The following MCTP2 variants were observed in gnomAD, a reference collection of about 807,000 sequenced individuals.
MCTP2 encodes the protein multiple C2 and transmembrane domain containing 2.
A neutral mutation model predicts 111.6 loss-of-function variants in MCTP2; 132 were observed. The observed-to-expected ratio is 1.18, with a 90% CI of 1.03 to 1.37. The LOEUF (loss-of-function observed/expected upper bound fraction) is 1.37. Among genes scored for constraint, MCTP2 ranks in the 40% most tolerant of loss-of-function variants. The pLI is 0.00. For synonymous variants in MCTP2, 395 were observed against 387.7 expected (o/e 1.02, Z -0.22); for missense variants, 1,183 against 1,067.9 (o/e 1.11, Z -1.50).
intron 12 of MCTP2, among the ~76,000 whole-genome samples, chr15:94,370,725 T>C (rs1384684852): frequency 6.6e-6 from 1 of 152,178 alleles, no homozygotes; most frequent in Non-Finnish European, 1.5e-5. Flanking sequence ...GCAGACATGC[T>C]TTGTGCTGGA....
chr15:94,277,365 C>T lies in MCTP2; in HGVS notation c.-65-20836C>T, dbSNP rs1020692897. ...TTGAAAACTTAGGTCCACACGAAAT[C>T]CTGCACATGGATGTTTCTAGCAGCT... On this transcript the variant is annotated intron_variant, in intron 1 of 22. Transcript: ENST00000357742. Among the ~76,000 whole-genome samples, 16 of 152,142 alleles carry T rather than the reference C, an allele frequency of 1.1e-4. No homozygotes were observed. In the South Asian group the frequency reaches 2.7e-3, roughly 26 times the overall value.
chr15:94,234,639 G>C (rs1405131909), intron 1 of MCTP2, among the ~76,000 whole-genome samples: 1 of 152,202 alleles, frequency 6.6e-6, no homozygotes, highest in Non-Finnish European at 1.5e-5. Flanking sequence ...CATGTCCAAC[G>C]AACAATTCTG....
intron 17 of MCTP2, among the ~76,000 whole-genome samples, chr15:94,439,841 C>A (rs1428132493): frequency 1.3e-5 from 2 of 152,202 alleles, no homozygotes; most frequent in Non-Finnish European, 2.9e-5. Flanking sequence ...AAATAAACCT[C>A]ACTTTTGGCA....
chr15:94,440,516 G>C (rs2083721175), intron 18 of MCTP2, among the ~76,000 whole-genome samples: 1 of 152,164 alleles, frequency 6.6e-6, no homozygotes, highest in South Asian at 2.1e-4. Flanking sequence ...CTGCATGAAG[G>C]GAGCCTCTGG....
chr15:94,426,875 T>C (rs1278831138), intron 17 of MCTP2, among the ~76,000 whole-genome samples: 1 of 152,146 alleles, frequency 6.6e-6, no homozygotes, highest in Non-Finnish European at 1.5e-5. Flanking sequence ...TAAGGATTCA[T>C]CTATTTCTAG....
intron 12 of MCTP2, among the ~76,000 whole-genome samples, chr15:94,370,718 G>C (rs1047602319): frequency 6.6e-6 from 1 of 152,132 alleles, no homozygotes; most frequent in African/African-American, 2.4e-5. Context: ...GGCCAAAGCA[G>C]ACATGCTTTG....
chr15:94,438,742 T>C (rs1248814024), intron 17 of MCTP2, among the ~76,000 whole-genome samples: 1 of 152,180 alleles, frequency 6.6e-6, no homozygotes. Context: ...GAAAGAGTAT[T>C]TATAAAACAT....
intron 11 of MCTP2, among the ~76,000 whole-genome samples, chr15:94,369,004 G>A (rs1202285188): frequency 6.6e-6 from 1 of 152,204 alleles, no homozygotes; most frequent in Non-Finnish European, 1.5e-5. Flanking sequence ...CAAAGCACAA[G>A]TTACAGCCCC....
intron 17 of MCTP2, among the ~76,000 whole-genome samples, chr15:94,421,170 G>A (rs1261486285): frequency 6.7e-6 from 1 of 150,156 alleles, no homozygotes; most frequent in African/African-American, 2.5e-5. Context: ...ATACGCTGTT[G>A]CATACTTAAT....
intron 2 of MCTP2, among the ~76,000 whole-genome samples, chr15:94,311,213 T>A (rs2076121199): frequency 6.6e-6 from 1 of 151,188 alleles, no homozygotes; most frequent in African/African-American, 2.4e-5. Context: ...TTATTAGAGA[T>A]GGGGGGGTTT....
intron 17 of MCTP2, chr15:94,403,301 CTT>C (rs1371741345): frequency 1.0e-6 from 1 of 955,516 alleles, no homozygotes; most frequent in East Asian, 1.2e-4. Flanking sequence ...ATCCACTTCC[CTT>C]TCTCACGTTC....
chr15:94,298,705 G>A lies in MCTP2; in HGVS notation c.440G>A (p.Gly147Glu), dbSNP rs764405023. Residue 147 changes from glycine to glutamate, a missense_variant, in exon 2 of 23, where the codon GGA (glycine) becomes GAA (glutamate). Transcript: ENST00000357742. ...GIFDLQKTSL[G>E]GDAPEEPEKL... ...TTTGATCTTCAGAAAACTTCCCTTG[G>A]AGGGGATGCACCAGAAGAGCCAGAG... 6.2e-7 allele frequency: 1 copy of A among 1,610,452 alleles called. No homozygotes were observed. The highest frequency in any genetic ancestry group is 8.5e-7 in the Non-Finnish European group (1 of 1,178,886).
intron 1 of MCTP2, among the ~76,000 whole-genome samples, chr15:94,244,136 A>C (rs1335760394): frequency 6.9e-6 from 1 of 144,834 alleles, no homozygotes; most frequent in South Asian, 2.1e-4. Flanking sequence ...ATGTATACAC[A>C]TGCATATGTG....
chr15:94,270,820 G>A (rs553437825), intron 1 of MCTP2, among the ~76,000 whole-genome samples: 23 of 152,240 alleles, frequency 1.5e-4, no homozygotes, highest in African/African-American at 3.9e-4. Context: ...GTTTCCACTC[G>A]GTTGTTTCTC....
At chr15:94,330,542 C>T (rs1425122791) in intron 4 of MCTP2, among the ~76,000 whole-genome samples, 1 of 151,868 alleles carries the variant, frequency 6.6e-6, no homozygotes, top group Non-Finnish European at 1.5e-5. Flanking sequence ...CCTTTCTAGT[C>T]TCTTTTTATT....
At chr15:94,445,559 A>G (rs998952407) in intron 19 of MCTP2, among the ~76,000 whole-genome samples, 4 of 152,180 alleles carry the variant, frequency 2.6e-5, no homozygotes, top group African/African-American at 9.7e-5. Flanking sequence ...TTGAGTGCAC[A>G]TACACATATG....
intron 19 of MCTP2, among the ~76,000 whole-genome samples, chr15:94,446,543 G>C (rs1177419694): frequency 6.6e-6 from 1 of 152,184 alleles, no homozygotes; most frequent in Non-Finnish European, 1.5e-5. Flanking sequence ...CCATACTTAG[G>C]AAAGGTCAAG....
At chr15:94,427,918 C>G (rs1439925267) in intron 17 of MCTP2, among the ~76,000 whole-genome samples, 2 of 152,124 alleles carry the variant, frequency 1.3e-5, no homozygotes, top group Admixed American at 1.3e-4. Context: ...GTTTATCTTG[C>G]ACTTGACATG....
chr15:94,386,111 G>A (rs955408766), intron 14 of MCTP2, among the ~76,000 whole-genome samples: 4 of 152,074 alleles, frequency 2.6e-5, no homozygotes, highest in Non-Finnish European at 4.4e-5. Flanking sequence ...ACCAGGGTCC[G>A]TGAAGGAAAA....
Sources: gnomAD v4.1 joint callset for allele counts (sites outside exome capture counted in the v4.1 genomes callset) on GRCh38, gnomAD v4.1.1 for gene constraint, MANE v1.5 for transcripts, NCBI Gene and HGNC (gene_info 2026-07-23, HGNC 2026-07-21) for gene names.